Variants in SMC4 observed in about 807,000 individuals in gnomAD.
The protein encoded by SMC4 is structural maintenance of chromosomes protein 4.
SMC4 carries 87 observed loss-of-function variants against 145.6 expected under a neutral mutation model. The observed-to-expected ratio is 0.60, with a 90% confidence interval of 0.50 to 0.71. SMC4 has a LOEUF of 0.71. SMC4 is among the 30% of genes least tolerant of loss of function. The probability of loss-of-function intolerance (pLI) is 0.00; values close to 1 mark genes in which losing one functional copy is unlikely to be tolerated. For missense variants in SMC4, 1,447 were observed against 1,537.1 expected, an observed-to-expected ratio of 0.94 and a Z score of 0.98; for synonymous variants, 558 against 500.7, an observed-to-expected ratio of 1.11 and a Z score of -1.53.
chr3:160,401,857 T>C, intron 2 of SMC4, 58 bp from the exon 3 acceptor site: 2 of 1,370,786 alleles, frequency 1.5e-6, no homozygotes, highest in Non-Finnish European at 2.0e-6. Flanking sequence ...CTAATTGCAC[T>C]AATGTAGGCT....
intron 7 of SMC4, chr3:160,412,766 G>A (rs4680581): frequency 0.25 from 218,832 of 885,232 alleles, 28,021 homozygotes; most frequent in Non-Finnish European, 0.26. Flanking sequence ...CTGTCATCCC[G>A]TTGATCACCA....
In SMC4 at chr3:160,430,769, G is replaced by A. The variant is rs373200411; in HGVS notation, c.2940+26G>A. 109 of 1,593,730 alleles carry A rather than the reference G, an allele frequency of 6.8e-5. No homozygotes were observed. In the African/African-American group the frequency reaches 1.4e-3, roughly 21 times the overall value. On this transcript the variant is annotated intron_variant, in intron 19 of 23. Transcript: ENST00000357388. The stretch of plus-strand genomic sequence containing the variant: ...GTATGAGTTGCTTTGTATTGAAGAG[G>A]AGATGGGATGATACTGGAACCAATT...
Position 160,430,580 on chromosome 3 carries a change from C to G in SMC4, c.2796-19C>G. ...AAATCACCTTACCACATTTTTGATG[C>G]ATCATTTTGCTTCTTTAGAAACCTT... is the stretch of plus-strand genomic sequence containing the variant. On this transcript the variant is annotated intron_variant, in intron 18 of 23. Coordinates refer to ENST00000357388, the MANE Select transcript of SMC4 (RefSeq NM_001002800.3). 2 of 1,530,740 alleles carry G rather than the reference C, an allele frequency of 1.3e-6. No homozygotes were observed. Among genetic ancestry groups the G allele is most frequent in the Non-Finnish European group, 8.8e-7 (1 of 1,139,942 alleles). The allele number at this position is 1,530,740 out of a possible 1,614,324, so 94.8% of individuals were successfully genotyped here.
chr3:160,419,707 T>G (rs1297937734), intron 12 of SMC4, among the ~76,000 whole-genome samples, 164 bp downstream of exon 12: 4 of 152,168 alleles, frequency 2.6e-5, no homozygotes, highest in Non-Finnish European at 5.9e-5. Context: ...GCCCTTACAG[T>G]TTCTTGTTTA....
rs762081311 is a variant in SMC4 at position 160,402,780 on chromosome 3, A to G, written c.423A>G (p.Lys141=). 6 of 1,611,586 alleles carry G rather than the reference A, an allele frequency of 3.7e-6. No individual in the cohort carries two copies. Among genetic ancestry groups the G allele is most frequent in the Admixed American group, 3.4e-5 (2 of 59,662 alleles). The change falls in exon 4 of 24, where the codon AAA becomes AAG. Residue 141 remains lysine (K), a synonymous_variant. Transcript: ENST00000357388. ...GAGCACAAAAAATAAGATCTAAAAA[A>G]CTCTCAGTATTAATACATAATTCTG... ...GYRAQKIRSK[K]LSVLIHNSDE...
chr3:160,429,776 G>GC (rs1197263799), intron 18 of SMC4, among the ~76,000 whole-genome samples: 2 of 150,566 alleles, frequency 1.3e-5, no homozygotes, highest in East Asian at 3.9e-4. Context: ...GAGTACAGTG[G>GC]CGCGATCTCG....
In SMC4 at chr3:160,423,451, C is replaced by T. The variant is rs758237687; in HGVS notation, c.2046C>T (p.Thr682=). The T allele has an allele frequency of 1.1e-5, 17 of 1,600,370 alleles. No homozygotes were observed. The Admixed American group carries it at 2.0e-4, about 19-fold the overall frequency. ...DKMAVWAKKM[T]EIQTPENTPR... Reference sequence around the variant, plus strand: ...TGGCTGTATGGGCGAAAAAGATGACCGAAATTCAAACTCCTGAAAATACTC... The same window carrying T: ...TGGCTGTATGGGCGAAAAAGATGACTGAAATTCAAACTCCTGAAAATACTC... The change falls in exon 14 of 24, where the codon ACC becomes ACT. Residue 682 remains threonine, a synonymous_variant. Coordinates refer to ENST00000357388, the MANE Select transcript of SMC4 (RefSeq NM_001002800.3).
At chr3:160,414,661 C>A in intron 9 of SMC4, 144 bp downstream of exon 9, 3 of 877,856 alleles carry the variant, frequency 3.4e-6, no homozygotes, top group South Asian at 1.6e-5. Flanking sequence ...ATGATTTTAC[C>A]CCCTCAAGGG....
intron 12 of SMC4, 61 bp downstream of exon 12, chr3:160,419,604 T>C (rs1716956029): frequency 6.7e-7 from 1 of 1,496,914 alleles, no homozygotes; most frequent in African/African-American, 1.4e-5. Flanking sequence ...TGTAACTTAT[T>C]TTTTTGCCTT....
chr3:160,418,386 A>T (rs575171617), intron 11 of SMC4, among the ~76,000 whole-genome samples: 1 of 152,248 alleles, frequency 6.6e-6, no homozygotes, highest in East Asian at 1.9e-4. Context: ...ACTAACTAAG[A>T]TGTATAGCTT....
In SMC4 at chr3:160,402,022, A is replaced by T; in HGVS notation, c.247A>T (p.Met83Leu). 1 of 1,599,648 alleles carries T rather than the reference A, an allele frequency of 6.3e-7. No individual in the cohort carries two copies. Among genetic ancestry groups the T allele is most frequent in the Non-Finnish European group, 8.5e-7 (1 of 1,174,326 alleles). ...MTNEAGAPRL[M>L]ITHIVNQNFK... ...CAATGAAGCTGGAGCTCCTCGGCTT[A>T]TGATAACTCATATTGTAAACCAGAA... The change falls in exon 3 of 24, where the codon ATG becomes TTG. Residue 83 changes from methionine (M) to leucine (L), a missense_variant. Transcript: ENST00000357388.
intron 5 of SMC4, among the ~76,000 whole-genome samples, chr3:160,410,199 T>TA (rs1201832890): frequency 6.6e-6 from 1 of 152,212 alleles, no homozygotes; most frequent in East Asian, 1.9e-4. Flanking sequence ...TTTCGGTTGT[T>TA]ATAGCTGGTA....
chr3:160,421,425 T>G (rs560325519), intron 13 of SMC4, among the ~76,000 whole-genome samples: 1 of 152,290 alleles, frequency 6.6e-6, no homozygotes, highest in Admixed American at 6.5e-5. Context: ...GGAAAACCTT[T>G]ATTGAGATAA....
At chr3:160,417,651 T>G in intron 10 of SMC4, 72 bp from the exon 11 acceptor site, 1 of 1,147,396 alleles carries the variant, frequency 8.7e-7, no homozygotes, top group Non-Finnish European at 1.3e-6. Context: ...GAATATAAAA[T>G]GTATGGTTTC....
Position 160,432,144 on chromosome 3 carries a change from G to A in SMC4, c.3298-139G>A, listed in dbSNP as rs540398558. 81 of 683,276 alleles carry A rather than the reference G, an allele frequency of 1.2e-4. 1 individual carries two copies. The East Asian group carries it at 1.8e-3, about 15-fold the overall frequency. 42.3% of individuals were successfully genotyped at this position (683,276 alleles called of 1,614,324 possible). A position where few individuals can be genotyped will look rare whatever the true frequency, so the allele number is the denominator to read the frequency against. On this transcript the variant is annotated intron_variant, in intron 21 of 23. Coordinates refer to ENST00000357388, the MANE Select transcript of SMC4 (RefSeq NM_001002800.3). ...TTGAACCTGGGAGGTGGAGGTTGCC[G>A]TGAGCCGAGATCGCGCCATTGCACT...
rs1372507037 is a variant in SMC4, at chr3:160,417,857, G to A, written c.1572G>A (p.Lys524=). 6.2e-7 allele frequency: 1 copy of A among 1,613,674 alleles called. No individual in the cohort carries two copies. The highest frequency in any genetic ancestry group is 1.1e-5 in the South Asian group (1 of 91,066). Residue 524 remains lysine (K), a synonymous_variant, in exon 11 of 24, where the codon AAG becomes AAA. Transcript: ENST00000357388. ...CAGTGTCTCAATTAACTAAGGCTAA[G>A]GAAGCTCTAATTGCAGCTTCTGAGA... ...NTAVSQLTKA[K]EALIAASETL...
At chr3:160,426,224 T>C in intron 17 of SMC4, 24 bp downstream of exon 17, 1 of 1,557,802 alleles carries the variant, frequency 6.4e-7, no homozygotes, top group South Asian at 1.2e-5. Flanking sequence ...TAGACCTTTT[T>C]TGGGGGGAAA....
chr3:160,430,147 G>A (rs1231705370), intron 18 of SMC4, among the ~76,000 whole-genome samples: 3 of 152,140 alleles, frequency 2.0e-5, no homozygotes, highest in East Asian at 3.8e-4. Context: ...TGATTATCTG[G>A]TTAAATTAAT....
At chr3:160,412,902 T>G (rs1716166690) in intron 7 of SMC4, 1 of 700,860 alleles carries the variant, frequency 1.4e-6, no homozygotes. Context: ...TGTGCACTTT[T>G]TAAAATTCGT....
Sources: allele counts gnomAD v4.1 joint callset (sites outside exome capture counted in the v4.1 genomes callset), GRCh38; gene constraint gnomAD v4.1.1; transcripts MANE v1.5; gene names NCBI Gene and HGNC (gene_info 2026-07-23, HGNC 2026-07-21).